WDFY2: variants seen among roughly 807,000 people sequenced by gnomAD.
WDFY2 encodes the protein WD repeat and FYVE domain containing 2.
Under a neutral mutation model 56.4 loss-of-function variants are expected in WDFY2, and 36 were observed. The ratio of observed to expected loss-of-function variants is 0.64; its 90% CI spans 0.49 to 0.84. The LOEUF (loss-of-function observed/expected upper bound fraction) is 0.84. Among genes scored for constraint, WDFY2 ranks in the 40% least tolerant of loss-of-function variants. The pLI, the probability that WDFY2 is intolerant of heterozygous loss-of-function variation, is 0.00. For synonymous variants in WDFY2, 176 were observed against 183.7 expected (o/e 0.96, Z 0.34); for missense variants, 444 against 512.2 (o/e 0.87, Z 1.29).
intron 1 of WDFY2, among the ~76,000 whole-genome samples, chr13:51,607,589 A>G (rs9535716): frequency 0.43 from 65,470 of 151,780 alleles, 14,315 homozygotes; most frequent in Admixed American, 0.53. Flanking sequence ...TCTTATCATC[A>G]ATGGCATCTT....
chr13:51,670,052 C>T (rs560589250), intron 2 of WDFY2, among the ~76,000 whole-genome samples: 1 of 152,306 alleles, frequency 6.6e-6, no homozygotes, highest in East Asian at 1.9e-4. Flanking sequence ...CAGTCCCCAG[C>T]CAGTTTGTCT....
intron 1 of WDFY2, among the ~76,000 whole-genome samples, chr13:51,641,865 A>T (rs996638653): frequency 2.0e-5 from 3 of 150,588 alleles, no homozygotes; most frequent in African/African-American, 4.9e-5. Flanking sequence ...TATTTTGTCT[A>T]ATGTTCCAGG....
rs1952440358 is a variant in WDFY2, at chr13:51,719,460, A to G, written c.485+112A>G. ...AAAGTTTTGTTAATGACAGTTGCCC[A>G]GTGTGGATTACAATGCTCATAGAAT... On this transcript the variant is annotated intron_variant, in intron 5 of 11. Coordinates refer to ENST00000298125, the MANE Select transcript of WDFY2 (RefSeq NM_052950.4). 3 of 1,224,620 alleles carry G rather than the reference A, an allele frequency of 2.4e-6. No individual in the cohort carries two copies. The South Asian group carries it at 4.6e-5, about 19-fold the overall frequency. 75.9% of individuals were successfully genotyped at this position (1,224,620 alleles called of 1,614,324 possible).
At chr13:51,614,484 C>T (rs2138342232) in intron 1 of WDFY2, among the ~76,000 whole-genome samples, 1 of 152,298 alleles carries the variant, frequency 6.6e-6, no homozygotes, top group East Asian at 1.9e-4. Context: ...GAGATGCTAT[C>T]AGAGACCCAT....
At chr13:51,642,204 T>G (rs1261633915) in intron 1 of WDFY2, among the ~76,000 whole-genome samples, 1 of 152,188 alleles carries the variant, frequency 6.6e-6, no homozygotes, top group Non-Finnish European at 1.5e-5. Flanking sequence ...TATTAAGAGA[T>G]TGCTTTTCAT....
intron 7 of WDFY2, among the ~76,000 whole-genome samples, chr13:51,750,025 A>T (rs1953193149): frequency 6.6e-6 from 1 of 152,218 alleles, no homozygotes; most frequent in African/African-American, 2.4e-5. Flanking sequence ...TATTCTGTTC[A>T]ACACTAATAA....
intron 2 of WDFY2, among the ~76,000 whole-genome samples, chr13:51,665,970 C>T (rs1955693453): frequency 6.6e-6 from 1 of 152,176 alleles, no homozygotes; most frequent in Non-Finnish European, 1.5e-5. Context: ...CAGTTCTCTG[C>T]CTTGGCCTGG....
intron 1 of WDFY2, among the ~76,000 whole-genome samples, chr13:51,592,747 T>G (rs1954074615): frequency 6.6e-6 from 1 of 152,194 alleles, no homozygotes; most frequent in South Asian, 2.1e-4. Flanking sequence ...AATTATTATC[T>G]CTTTTCCGAT....
intron 3 of WDFY2, among the ~76,000 whole-genome samples, chr13:51,677,301 T>C (rs1955904822): frequency 6.6e-6 from 1 of 152,214 alleles, no homozygotes; most frequent in Non-Finnish European, 1.5e-5. Flanking sequence ...TCCTTTGTAT[T>C]GTTGAGGAAG....
At chr13:51,610,598 T>C (rs1223188819) in intron 1 of WDFY2, among the ~76,000 whole-genome samples, 1 of 152,128 alleles carries the variant, frequency 6.6e-6, no homozygotes. Flanking sequence ...TCCAGTAATG[T>C]TATCTTGTTT....
intron 3 of WDFY2, among the ~76,000 whole-genome samples, chr13:51,696,572 T>G (rs969349952): frequency 6.6e-6 from 1 of 152,302 alleles, no homozygotes; most frequent in African/African-American, 2.4e-5. Flanking sequence ...TGACCACAAG[T>G]CAGTGTGAAT....
chr13:51,744,141 C>T (rs1022870571), intron 7 of WDFY2, among the ~76,000 whole-genome samples: 1 of 152,230 alleles, frequency 6.6e-6, no homozygotes, highest in African/African-American at 2.4e-5. Flanking sequence ...GGATTGCTCA[C>T]AGCCTTCTCT....
chr13:51,622,469 T>C (rs1482528002), intron 1 of WDFY2, among the ~76,000 whole-genome samples: 3 of 152,228 alleles, frequency 2.0e-5, no homozygotes, highest in Non-Finnish European at 4.4e-5. Flanking sequence ...CAACACACAT[T>C]CACAGCATTT....
chr13:51,596,661 G>A (rs1280253675), intron 1 of WDFY2, among the ~76,000 whole-genome samples: 1 of 152,206 alleles, frequency 6.6e-6, no homozygotes, highest in Non-Finnish European at 1.5e-5. Context: ...AGAAGTTCCA[G>A]CAAGATTGCA....
At chr13:51,654,144 G>C (rs1212552133) in intron 1 of WDFY2, among the ~76,000 whole-genome samples, 1 of 152,166 alleles carries the variant, frequency 6.6e-6, no homozygotes, top group East Asian at 1.9e-4. Context: ...CTTGCATTTT[G>C]ATCTCAGACT....
At chr13:51,644,396 A>G (rs1341881222) in intron 1 of WDFY2, among the ~76,000 whole-genome samples, 4 of 152,252 alleles carry the variant, frequency 2.6e-5, no homozygotes, top group African/African-American at 7.2e-5. Context: ...TATGGGTCCA[A>G]TTAACCTCAT....
chr13:51,688,497 A>G (rs767466410), intron 3 of WDFY2, among the ~76,000 whole-genome samples: 6 of 152,302 alleles, frequency 3.9e-5, no homozygotes, highest in Non-Finnish European at 7.4e-5. Flanking sequence ...AGTGTGGGCT[A>G]TGCAACATAC....
At chr13:51,599,913 CA>C (rs1466368152) in intron 1 of WDFY2, among the ~76,000 whole-genome samples, 1 of 151,260 alleles carries the variant, frequency 6.6e-6, no homozygotes, top group Non-Finnish European at 1.5e-5. Flanking sequence ...AAAAACAAAA[CA>C]AAAAAACCAA....
chr13:51,724,436 A>G (rs1438356687), intron 5 of WDFY2, among the ~76,000 whole-genome samples: 1 of 152,034 alleles, frequency 6.6e-6, no homozygotes, highest in Non-Finnish European at 1.5e-5. Context: ...ACAGGGTTTC[A>G]CTATGTTGGC....
Sources: gnomAD v4.1 joint callset for allele counts (sites outside exome capture counted in the v4.1 genomes callset) on GRCh38, gnomAD v4.1.1 for gene constraint, MANE v1.5 for transcripts, NCBI Gene and HGNC (gene_info 2026-07-23, HGNC 2026-07-21) for gene names.